The following ADGRL2 variants were observed in gnomAD, a reference collection of about 807,000 sequenced individuals.
The protein encoded by ADGRL2 is adhesion G protein-coupled receptor L2, also known as calcium-independent alpha-latrotoxin receptor 2.
ADGRL2 carries 44 observed loss-of-function variants against 157.4 expected under a neutral mutation model. That is an observed-to-expected ratio of 0.28 (90% CI 0.22 to 0.36). ADGRL2 has a LOEUF of 0.36. Ranked by LOEUF, ADGRL2 falls within the 10% of genes least tolerant of loss-of-function variation. ADGRL2 has a pLI of 1.00. For synonymous variants in ADGRL2, 585 were observed against 624.7 expected, an observed-to-expected ratio of 0.94 and a Z score of 0.95; for missense variants, 1,510 against 1,768.9, an observed-to-expected ratio of 0.85 and a Z score of 2.63.
chr1:81,553,055 A>G (rs560817298), intron 2 of ADGRL2, among the ~76,000 whole-genome samples: 38 of 152,278 alleles, frequency 2.5e-4, no homozygotes, highest in African/African-American at 8.9e-4. Flanking sequence ...TTTTCAAAAT[A>G]TGTTAGTGTA....
intron 13 of ADGRL2, among the ~76,000 whole-genome samples, chr1:81,967,263 CTTTT>C (rs5775656): frequency 7.4e-6 from 1 of 135,734 alleles, no homozygotes. Flanking sequence ...TTGATTGACT[CTTTT>C]TTTTTTTTTT....
intron 2 of ADGRL2, among the ~76,000 whole-genome samples, chr1:81,902,369 G>T (rs545837667): frequency 6.6e-6 from 1 of 152,224 alleles, no homozygotes; most frequent in African/African-American, 2.4e-5. Flanking sequence ...AGGCCAAAGT[G>T]GGCAGATCAC....
intron 2 of ADGRL2, among the ~76,000 whole-genome samples, chr1:81,775,186 A>G (rs974617246): frequency 6.6e-6 from 1 of 152,190 alleles, no homozygotes; most frequent in African/African-American, 2.4e-5. Flanking sequence ...ATTTATGCTT[A>G]TCATTTAATA....
At chr1:81,647,354 C>A (rs1266390507) in intron 3 of ADGRL2, among the ~76,000 whole-genome samples, 1 of 152,090 alleles carries the variant, frequency 6.6e-6, no homozygotes, top group Non-Finnish European at 1.5e-5. Flanking sequence ...GATTGAGCAT[C>A]CCTAATCTGA....
At chr1:81,692,479 T>G (rs2083362538) in intron 3 of ADGRL2, among the ~76,000 whole-genome samples, 1 of 152,150 alleles carries the variant, frequency 6.6e-6, no homozygotes, top group Non-Finnish European at 1.5e-5. Context: ...ATTAGGCCAT[T>G]GTATGCTAAG....
chr1:81,951,003 C>G lies in ADGRL2; in HGVS notation c.1505-15C>G. 6.4e-7 allele frequency: 1 copy of G among 1,557,774 alleles called. No individual in the cohort carries two copies. The highest frequency in any genetic ancestry group is 8.9e-7 in the Non-Finnish European group (1 of 1,129,894). On this transcript the variant is annotated splice_polypyrimidine_tract_variant and intron_variant, in intron 7 of 23. Transcript: ENST00000686636. ...ATGGTTTCAATTTCACTGTTGTTTT[C>G]TACATCTGTTGTAGGAACTGCCTCA...
At chr1:81,582,484 T>A (rs1217269804) in intron 3 of ADGRL2, among the ~76,000 whole-genome samples, 1 of 152,114 alleles carries the variant, frequency 6.6e-6, no homozygotes, top group African/African-American at 2.4e-5. Context: ...GTTCCTTACA[T>A]GTTTTGAAAA....
intron 1 of ADGRL2, among the ~76,000 whole-genome samples, chr1:81,717,871 C>A (rs937318540): frequency 6.6e-6 from 1 of 152,174 alleles, no homozygotes; most frequent in African/African-American, 2.4e-5. Context: ...TTTGGAAACC[C>A]AAAAACATAT....
intron 11 of ADGRL2, among the ~76,000 whole-genome samples, chr1:81,963,215 A>G (rs567869331): frequency 6.6e-6 from 1 of 151,870 alleles, no homozygotes; most frequent in South Asian, 2.1e-4. Context: ...ACATATTTTA[A>G]TTGTTTGTTG....
intron 2 of ADGRL2, among the ~76,000 whole-genome samples, chr1:81,548,922 A>G (rs1437876496): frequency 2.0e-5 from 3 of 152,244 alleles, no homozygotes; most frequent in Non-Finnish European, 4.4e-5. Flanking sequence ...GAAGGTGTTC[A>G]AGAATTTCCA....
chr1:81,672,039 G>C (rs1175353046), intron 3 of ADGRL2, among the ~76,000 whole-genome samples: 1 of 152,188 alleles, frequency 6.6e-6, no homozygotes, highest in Non-Finnish European at 1.5e-5. Flanking sequence ...CATTATTTAA[G>C]ATTTTTGTCT....
chr1:81,856,991 TTTTAA>T (rs2093225956), intron 2 of ADGRL2, among the ~76,000 whole-genome samples: 1 of 152,182 alleles, frequency 6.6e-6, no homozygotes, highest in African/African-American at 2.4e-5. Flanking sequence ...CATTTTGTAC[TTTTAA>T]TTTAAATCTA....
intron 1 of ADGRL2, among the ~76,000 whole-genome samples, chr1:81,378,387 C>T (rs368485582): frequency 6.6e-6 from 1 of 151,602 alleles, no homozygotes; most frequent in South Asian, 2.1e-4. Context: ...CGTATCTCTA[C>T]AAAAAATTAA....
chr1:81,462,790 A>T (rs1473855485), intron 2 of ADGRL2, among the ~76,000 whole-genome samples: 1 of 152,170 alleles, frequency 6.6e-6, no homozygotes, highest in Non-Finnish European at 1.5e-5. Flanking sequence ...GTAGAAAATC[A>T]TTTATCAGAA....
intron 1 of ADGRL2, among the ~76,000 whole-genome samples, chr1:81,364,296 A>G (rs1242667475): frequency 1.3e-5 from 2 of 152,106 alleles, no homozygotes; most frequent in Non-Finnish European, 2.9e-5. Flanking sequence ...TGTTATGACC[A>G]ATTTCCTGTT....
intron 10 of ADGRL2, among the ~76,000 whole-genome samples, chr1:81,954,428 T>G (rs1652824344): frequency 6.6e-6 from 1 of 152,216 alleles, no homozygotes. Flanking sequence ...CAAATGAGCT[T>G]CTCTGTTCAG....
intron 1 of ADGRL2, among the ~76,000 whole-genome samples, chr1:81,809,018 G>A (rs1372830007): frequency 6.6e-6 from 1 of 152,036 alleles, no homozygotes; most frequent in Non-Finnish European, 1.5e-5. Flanking sequence ...GTTTAGGTCT[G>A]TTTTAGCCCA....
chr1:81,432,225 G>A (rs559555437), intron 1 of ADGRL2, among the ~76,000 whole-genome samples: 5 of 152,292 alleles, frequency 3.3e-5, no homozygotes, highest in South Asian at 4.1e-4. Context: ...GAGACCATAC[G>A]CAGTGAAGAA....
chr1:81,625,946 G>C (rs2081900429), intron 3 of ADGRL2, among the ~76,000 whole-genome samples: 1 of 152,096 alleles, frequency 6.6e-6, no homozygotes, highest in Non-Finnish European at 1.5e-5. Flanking sequence ...CTGTCAGAGA[G>C]GAATTTTCAT....
Sources: gnomAD v4.1 joint callset for allele counts (sites outside exome capture counted in the v4.1 genomes callset) on GRCh38, gnomAD v4.1.1 for gene constraint, MANE v1.5 for transcripts, NCBI Gene and HGNC (gene_info 2026-07-23, HGNC 2026-07-21) for gene names.